The following STPG2 variants were observed in gnomAD, a reference collection of about 807,000 sequenced individuals.
The protein encoded by STPG2 is sperm-tail PG-rich repeat-containing protein 2.
A neutral mutation model predicts 54.2 loss-of-function variants in STPG2; 56 were observed. The observed-to-expected ratio is 1.03, with a 90% CI of 0.83 to 1.29. The LOEUF is 1.29. STPG2 is among the 50% of genes most tolerant of loss of function. STPG2 has a pLI of 0.00. For synonymous variants in STPG2, 200 were observed against 181.8 expected, an observed-to-expected ratio of 1.10 and a Z score of -0.81; for missense variants, 596 against 544.9, an observed-to-expected ratio of 1.09 and a Z score of -0.93.
intron 8 of STPG2, among the ~76,000 whole-genome samples, chr4:97,882,226 C>T (rs1730403640): frequency 6.6e-6 from 1 of 152,138 alleles, no homozygotes; most frequent in Admixed American, 6.6e-5. Context: ...ACACTATGGA[C>T]TGTATGTTCA....
At chr4:98,092,373 G>A (rs1334625398) in intron 5 of STPG2, among the ~76,000 whole-genome samples, 1 of 151,996 alleles carries the variant, frequency 6.6e-6, no homozygotes, top group East Asian at 1.9e-4. Context: ...GTTTAATTAT[G>A]TGCAAGTCTT....
Position 97,943,904 on chromosome 4 carries a change from G to C in STPG2, c.1037C>G (p.Pro346Arg). The change falls in exon 8 of 11, where the codon CCA (proline) becomes CGA (arginine). Residue 346 changes from proline (P) to arginine (R), a missense_variant. Coordinates refer to ENST00000295268, the MANE Select transcript of STPG2 (RefSeq NM_174952.3). The part of the protein sequence containing the change: ...LSRAKRTMKV[P>R]DMVIPAPGSY... ...TTGTAGGAGTATTCTTACCATATCT[G>C]GTACTTTCATAGTTCTTTTGGCTCT... 1 of 1,567,822 alleles carries C rather than the reference G, an allele frequency of 6.4e-7. No homozygotes were observed. The highest frequency in any genetic ancestry group is 2.0e-5 in the Admixed American group (1 of 49,986).
At chr4:97,687,484 C>T (rs971075029) in intron 10 of STPG2, among the ~76,000 whole-genome samples, 6 of 152,012 alleles carry the variant, frequency 3.9e-5, no homozygotes, top group East Asian at 1.9e-4. Context: ...GGATTACAGG[C>T]GCATGCCACC....
intron 5 of STPG2, among the ~76,000 whole-genome samples, chr4:98,016,393 A>G (rs1380414005): frequency 2.0e-5 from 3 of 152,032 alleles, no homozygotes; most frequent in Admixed American, 2.0e-4. Context: ...CTGGAACTTC[A>G]TTATTCATAT....
rs145418938 is a variant in STPG2 at position 98,097,487 on chromosome 4, A to C, written c.612+8466T>G. On this transcript the variant is annotated intron_variant, in intron 5 of 10. Transcript: ENST00000295268. ...TAGAAGGAACATACCTCAACATAGT[A>C]AAAGCCATATATGACAGACCCTCAG... 7.6e-3 allele frequency among the ~76,000 whole-genome samples: 1,158 copies of C among 152,326 alleles called. 10 individuals are homozygous for C. Among genetic ancestry groups the C allele is most frequent in the Non-Finnish European group, 9.3e-3 (631 of 68,010 alleles).
chr4:97,460,496 C>T (rs1351654799), intron 4 of STPG2, among the ~76,000 whole-genome samples: 1 of 151,826 alleles, frequency 6.6e-6, no homozygotes, highest in Non-Finnish European at 1.5e-5. Context: ...ACAATCTCAA[C>T]TAAGATTATT....
chr4:97,712,257 A>T (rs1017549674), intron 10 of STPG2, among the ~76,000 whole-genome samples: 3 of 152,132 alleles, frequency 2.0e-5, no homozygotes, highest in African/African-American at 7.2e-5. Flanking sequence ...ACCTTTATTT[A>T]TTATGAACTT....
At chr4:97,456,988 A>G (rs2148804029) in intron 4 of STPG2, among the ~76,000 whole-genome samples, 2 of 152,198 alleles carry the variant, frequency 1.3e-5, no homozygotes, top group African/African-American at 4.8e-5. Context: ...ATGGCAAATA[A>G]GCATATTAAA....
intron 10 of STPG2, among the ~76,000 whole-genome samples, chr4:97,698,467 C>T (rs1723656843): frequency 6.6e-6 from 1 of 152,144 alleles, no homozygotes; most frequent in African/African-American, 2.4e-5. Flanking sequence ...AGGTGGCAAT[C>T]TTAACTTCCA....
At chr4:97,622,000 A>T (rs1306105022) in intron 10 of STPG2, among the ~76,000 whole-genome samples, 1 of 152,238 alleles carries the variant, frequency 6.6e-6, no homozygotes, top group African/African-American at 2.4e-5. Context: ...GTAATTCATT[A>T]CATAAATAGA....
chr4:97,992,739 T>C (rs1457694310), intron 5 of STPG2, among the ~76,000 whole-genome samples: 1 of 152,188 alleles, frequency 6.6e-6, no homozygotes, highest in Non-Finnish European at 1.5e-5. Flanking sequence ...GCATGGGATG[T>C]GTTTCCATTT....
At chr4:97,447,885 G>C (rs373162002) in intron 4 of STPG2, among the ~76,000 whole-genome samples, 3 of 152,110 alleles carry the variant, frequency 2.0e-5, no homozygotes, top group African/African-American at 4.8e-5. Context: ...CCCTTATCCA[G>C]ACCCAAGAAT....
chr4:98,094,114 C>T (rs893987124), intron 5 of STPG2, among the ~76,000 whole-genome samples: 3 of 152,126 alleles, frequency 2.0e-5, no homozygotes, highest in Non-Finnish European at 2.9e-5. Flanking sequence ...CTCCCACAAT[C>T]CCAGGCAGTG....
intron 8 of STPG2, among the ~76,000 whole-genome samples, chr4:97,848,429 T>C (rs567210447): frequency 6.6e-6 from 1 of 152,116 alleles, no homozygotes; most frequent in Non-Finnish European, 1.5e-5. Context: ...ATTTATCGAG[T>C]AATTTTTCCA....
intron 10 of STPG2, among the ~76,000 whole-genome samples, chr4:97,626,850 C>T (rs1488732208): frequency 2.0e-5 from 3 of 152,042 alleles, no homozygotes; most frequent in African/African-American, 7.2e-5. Context: ...CTAATCACTA[C>T]TGGGATATAG....
chr4:98,025,051 TAA>T (rs1189013638), intron 5 of STPG2, among the ~76,000 whole-genome samples: 1 of 152,142 alleles, frequency 6.6e-6, no homozygotes, highest in African/African-American at 2.4e-5. Flanking sequence ...GGTATAAGAA[TAA>T]AAATGGGGAG....
chr4:97,510,335 T>G (rs1730945721), intron 4 of STPG2, among the ~76,000 whole-genome samples: 1 of 152,060 alleles, frequency 6.6e-6, no homozygotes, highest in African/African-American at 2.4e-5. Context: ...ACCATTTTAA[T>G]TTTTTCTAGC....
At position 97,599,746 on chromosome 4, in the gene STPG2, C is replaced by G. The variant is rs1420965569; in HGVS notation, c.1321-40629G>C. ...GGCTGAGGCAGGAGAATGGCGTGAA[C>G]CTCGGAGGTGGAGCTTGCAGTGAGT... On this transcript the variant is annotated intron_variant, in intron 10 of 10. Coordinates refer to ENST00000295268, the MANE Select transcript of STPG2 (RefSeq NM_174952.3). Among the ~76,000 whole-genome samples, 5 of 150,444 alleles carry G rather than the reference C, an allele frequency of 3.3e-5. 1 individual carries two copies. In the South Asian group the frequency reaches 8.4e-4, roughly 25 times the overall value.
At chr4:97,519,446 ACT>A (rs1731138069) in intron 4 of STPG2, among the ~76,000 whole-genome samples, 1 of 152,066 alleles carries the variant, frequency 6.6e-6, no homozygotes, top group African/African-American at 2.4e-5. Flanking sequence ...AGGCAAGCCC[ACT>A]GAGATACCCA....
Sources: allele counts gnomAD v4.1 joint callset (sites outside exome capture counted in the v4.1 genomes callset), GRCh38; gene constraint gnomAD v4.1.1; transcripts MANE v1.5; gene names NCBI Gene and HGNC (gene_info 2026-07-23, HGNC 2026-07-21).